The following PCDHGA3 variants were observed in gnomAD, a reference collection of about 807,000 sequenced individuals.
The protein encoded by PCDHGA3 is protocadherin gamma subfamily A, 3, also known as protocadherin gamma-A3.
PCDHGA3 carries 40 observed loss-of-function variants against 58.5 expected under a neutral mutation model. The observed-to-expected ratio is 0.68, with a 90% CI of 0.53 to 0.89. The LOEUF is 0.89. Among genes scored for constraint, PCDHGA3 ranks in the 40% least tolerant of loss-of-function variants. The pLI is 0.00. For synonymous variants in PCDHGA3, 530 were observed against 525.7 expected (o/e 1.01, Z -0.11); for missense variants, 1,223 against 1,195.9 (o/e 1.02, Z -0.33).
chr5:141,356,006 C>T lies in PCDHGA3; in HGVS notation c.2424+9549C>T, dbSNP rs764436423. ...CTACTCACCGTAAAAGCCACTGATCCAGATGAAGGAGCCAATGGAGACGTG... is the reference window on the plus strand; with the variant it reads ...CTACTCACCGTAAAAGCCACTGATCTAGATGAAGGAGCCAATGGAGACGTG... On this transcript the variant is annotated intron_variant, in intron 1 of 3. Transcript: ENST00000253812. The T allele has an allele frequency of 4.3e-6, 7 of 1,613,876 alleles. No homozygotes were observed. The Admixed American group carries it at 1.2e-4, about 27-fold the overall frequency.
Position 141,486,243 on chromosome 5 carries a change from G to T in PCDHGA3, c.2425-8564G>T. ...TACATCACAGTGACCTCAGAGCTTG[G>T]AACCCTCCCCGAGAGTGCAGAACCT... is the stretch of plus-strand genomic sequence containing the variant. On this transcript the variant is annotated intron_variant, in intron 1 of 3. Coordinates refer to ENST00000253812, the MANE Select transcript of PCDHGA3 (RefSeq NM_018916.4). The surrounding 1 kb of genome is among the most constrained non-coding windows in gnomAD (Gnocchi z 5.0). 1 of 1,614,156 alleles carries T rather than the reference G, an allele frequency of 6.2e-7. No individual in the cohort carries two copies. Among genetic ancestry groups the T allele is most frequent in the Non-Finnish European group, 8.5e-7 (1 of 1,180,018 alleles).
chr5:141,389,494 C>T (rs1300548775), intron 1 of PCDHGA3: 2 of 1,613,058 alleles, frequency 1.2e-6, no homozygotes, highest in East Asian at 2.2e-5. Context: ...GACCAGGGCT[C>T]GCCAGCGCTC....
chr5:141,461,591 C>T (rs1368759571), intron 1 of PCDHGA3, among the ~76,000 whole-genome samples: 1 of 152,088 alleles, frequency 6.6e-6, no homozygotes, highest in Non-Finnish European at 1.5e-5. Flanking sequence ...GTTATATTTC[C>T]ATTATAATTT....
chr5:141,372,920 T>A (rs1390656899), intron 1 of PCDHGA3: 22 of 1,005,592 alleles, frequency 2.2e-5, no homozygotes, highest in Non-Finnish European at 3.0e-5. Context: ...ATTTTATTGA[T>A]TTTCTGGTGT....
intron 2 of PCDHGA3, among the ~76,000 whole-genome samples, chr5:141,502,135 G>A (rs1254187943): frequency 6.6e-6 from 1 of 152,154 alleles, no homozygotes; most frequent in East Asian, 1.9e-4. Context: ...GAGCTCAGTC[G>A]GGCCGGAAGT....
intron 1 of PCDHGA3, chr5:141,478,866 C>G: frequency 7.7e-7 from 1 of 1,304,352 alleles, no homozygotes; most frequent in East Asian, 2.5e-5. Context: ...TCTCAGCGAT[C>G]AGAGTTTAGC....
At position 141,491,597 on chromosome 5, in the gene PCDHGA3, A is replaced by T. The variant is rs1389838814; in HGVS notation, c.2425-3210A>T. Reference sequence around the variant, plus strand: ...TTTTCACCGGCCTCGGACGGCAGTGACTTCACTTTTCTAAGACCCCTCAGC... The same window carrying T: ...TTTTCACCGGCCTCGGACGGCAGTGTCTTCACTTTTCTAAGACCCCTCAGC... On this transcript the variant is annotated intron_variant, in intron 1 of 3. Coordinates refer to ENST00000253812, the MANE Select transcript of PCDHGA3 (RefSeq NM_018916.4). This position sits in a 1 kb window ranked among gnomAD's most constrained non-coding sequence, Gnocchi z 6.9. 1.2e-6 allele frequency: 2 copies of T among 1,613,788 alleles called. No individual in the cohort carries two copies. The highest frequency in any genetic ancestry group is 1.7e-6 in the Non-Finnish European group (2 of 1,180,012).
In PCDHGA3 at chr5:141,476,962, C is replaced by A. The variant is rs2099402286; in HGVS notation, c.2425-17845C>A. On this transcript the variant is annotated intron_variant, in intron 1 of 3. Coordinates refer to ENST00000253812, the MANE Select transcript of PCDHGA3 (RefSeq NM_018916.4). This position sits in a 1 kb window ranked among gnomAD's most constrained non-coding sequence, Gnocchi z 7.6. ...GCCCCAACGGTGAAATTATTTACTCCTTCGGCAGCCACAACCGCGCCGGCG... is the reference window on the plus strand; with the variant it reads ...GCCCCAACGGTGAAATTATTTACTCATTCGGCAGCCACAACCGCGCCGGCG... 2 of 1,614,200 alleles carry A rather than the reference C, an allele frequency of 1.2e-6. No individual in the cohort carries two copies. The highest frequency in any genetic ancestry group is 1.7e-6 in the Non-Finnish European group (2 of 1,180,042).
chr5:141,362,412 A>T, intron 1 of PCDHGA3: 1 of 1,614,034 alleles, frequency 6.2e-7, no homozygotes, highest in Non-Finnish European at 8.5e-7. Context: ...TTGCCTCACA[A>T]TCAGCCAAGA....
chr5:141,482,245 G>A (rs72790067), intron 1 of PCDHGA3, among the ~76,000 whole-genome samples: 74 of 152,252 alleles, frequency 4.9e-4, no homozygotes, highest in Non-Finnish European at 7.9e-4. Flanking sequence ...TATAAGTATA[G>A]TACTGTACAT....
intron 1 of PCDHGA3, chr5:141,478,803 T>G: frequency 2.1e-6 from 3 of 1,463,244 alleles, no homozygotes; most frequent in Non-Finnish European, 2.7e-6. Context: ...AGCACTCTTT[T>G]GCTATCACAA....
intron 1 of PCDHGA3, chr5:141,375,201 A>T (rs1173523858): frequency 6.2e-7 from 1 of 1,614,004 alleles, no homozygotes; most frequent in Non-Finnish European, 8.5e-7. Flanking sequence ...CAAGTGTTCG[A>T]TCGAGACTCT....
chr5:141,361,388 A>G (rs373182240), intron 1 of PCDHGA3: 1 of 1,613,880 alleles, frequency 6.2e-7, no homozygotes, highest in Non-Finnish European at 8.5e-7. Context: ...ATCCCAGAAT[A>G]CAATCTCACC....
rs759045688 is a variant in PCDHGA3 at position 141,395,208 on chromosome 5, G to C, written c.2424+48751G>C. 5.6e-6 allele frequency: 9 copies of C among 1,613,352 alleles called. No individual in the cohort carries two copies. In the Admixed American group the frequency reaches 1.5e-4, roughly 27 times the overall value. ...TTTGTTAACATCCGTAGATTTTCAT[G>C]AATATAAGAATGAAGCTGATCATGG... On this transcript the variant is annotated intron_variant, in intron 1 of 3. Coordinates refer to ENST00000253812, the MANE Select transcript of PCDHGA3 (RefSeq NM_018916.4).
intron 1 of PCDHGA3, chr5:141,419,166 A>G: frequency 6.2e-7 from 1 of 1,613,944 alleles, no homozygotes; most frequent in Non-Finnish European, 8.5e-7. Context: ...TCCTCCAGCA[A>G]AACCATAACC....
At chr5:141,422,415 A>C (rs1330043187) in intron 1 of PCDHGA3, 1 of 1,604,786 alleles carries the variant, frequency 6.2e-7, no homozygotes, top group Admixed American at 1.7e-5. Flanking sequence ...TTAAATTAGA[A>C]AAGACTTATG....
intron 1 of PCDHGA3, chr5:141,376,117 C>G: frequency 6.2e-7 from 1 of 1,613,848 alleles, no homozygotes; most frequent in Non-Finnish European, 8.5e-7. Context: ...TGGGCAGCCT[C>G]GAGCCCTCCG....
At chr5:141,509,327 G>A (rs2099876237) in intron 3 of PCDHGA3, among the ~76,000 whole-genome samples, 1 of 152,188 alleles carries the variant, frequency 6.6e-6, no homozygotes, top group African/African-American at 2.4e-5. Flanking sequence ...AAGCTCTACT[G>A]CCAGCTGGGC....
At position 141,350,652 on chromosome 5, in the gene PCDHGA3, T is replaced by G. The variant is rs755738484; in HGVS notation, c.2424+4195T>G. Reference sequence around the variant, plus strand: ...ATTAATGACAATGCACCACGTTTCGTTGCAAAAGGCATTGACTTAGAAATT... The same window carrying G: ...ATTAATGACAATGCACCACGTTTCGGTGCAAAAGGCATTGACTTAGAAATT... On this transcript the variant is annotated intron_variant, in intron 1 of 3. Coordinates refer to ENST00000253812, the MANE Select transcript of PCDHGA3 (RefSeq NM_018916.4). 4.3e-6 allele frequency: 7 copies of G among 1,614,044 alleles called. No homozygotes were observed. In the South Asian group the frequency reaches 6.6e-5, roughly 15 times the overall value.
Sources: allele counts gnomAD v4.1 joint callset (sites outside exome capture counted in the v4.1 genomes callset), GRCh38; gene constraint gnomAD v4.1.1; non-coding constraint Gnocchi (gnomAD v3.1); transcripts MANE v1.5; gene names NCBI Gene and HGNC (gene_info 2026-07-23, HGNC 2026-07-21).